The following TEAD1 variants were observed in gnomAD, a reference collection of about 807,000 sequenced individuals.
The protein encoded by TEAD1 is transcriptional enhancer factor TEF-1.
TEAD1 carries 9 observed loss-of-function variants against 54.9 expected under a neutral mutation model. That is an observed-to-expected ratio of 0.16 (90% CI 0.10 to 0.29). The LOEUF is 0.29. Ranked by LOEUF, TEAD1 falls within the 10% of genes least tolerant of loss-of-function variation. TEAD1 has a pLI of 1.00. For synonymous variants in TEAD1, 200 were observed against 187.8 expected (o/e 1.07, Z -0.53); for missense variants, 387 against 535.9 (o/e 0.72, Z 2.74).
chr11:12,768,555 G>T (rs1277382625), intron 3 of TEAD1, among the ~76,000 whole-genome samples: 1 of 152,224 alleles, frequency 6.6e-6, no homozygotes, highest in African/African-American at 2.4e-5. Flanking sequence ...CTTGCACATG[G>T]CCAATATAAA....
At chr11:12,741,995 G>A (rs1021006056) in intron 2 of TEAD1, among the ~76,000 whole-genome samples, 17 of 152,190 alleles carry the variant, frequency 1.1e-4, no homozygotes, top group Non-Finnish European at 2.4e-4. Context: ...TGTCCCACAA[G>A]CACCTGATAC....
intron 9 of TEAD1, among the ~76,000 whole-genome samples, chr11:12,889,980 C>A (rs193247644): frequency 7.9e-5 from 12 of 152,130 alleles, no homozygotes; most frequent in African/African-American, 2.7e-4. Context: ...CCTCGGCCTC[C>A]CAAAGTGCTG....
At chr11:12,725,452 G>A (rs1944292776) in intron 2 of TEAD1, among the ~76,000 whole-genome samples, 1 of 152,166 alleles carries the variant, frequency 6.6e-6, no homozygotes, top group Admixed American at 6.5e-5. Flanking sequence ...GTATTTCAAA[G>A]TAACTAAAAG....
intron 2 of TEAD1, among the ~76,000 whole-genome samples, chr11:12,723,174 A>C (rs1444337130): frequency 6.6e-6 from 1 of 152,234 alleles, no homozygotes. Flanking sequence ...TGCCACCAGC[A>C]GTGCGTGAAG....
chr11:12,917,590 G>A lies in TEAD1; in HGVS notation c.874-7322G>A, dbSNP rs180981791. Among the ~76,000 whole-genome samples the A allele has an allele frequency of 2.6e-3, 389 of 152,304 alleles. 1 individual carries two copies. The highest frequency in any genetic ancestry group is 4.3e-3 in the Non-Finnish European group (293 of 68,026). On this transcript the variant is annotated intron_variant, in intron 10 of 12. Coordinates refer to ENST00000527636, the MANE Select transcript of TEAD1 (RefSeq NM_021961.6). ...CCAGGCTGGTCTCAAACTCCTGGGC[G>A]TAAGTGGCCAGCGTGCCTGGCCCAG... is the stretch of plus-strand genomic sequence containing the variant.
At chr11:12,881,745 A>G in intron 7 of TEAD1, 151 bp from the exon 8 acceptor site, 1 of 764,416 alleles carries the variant, frequency 1.3e-6, no homozygotes, top group Non-Finnish European at 2.3e-6. Flanking sequence ...AGTTTATGGA[A>G]CAACTGCCTC....
intron 9 of TEAD1, among the ~76,000 whole-genome samples, chr11:12,901,694 C>T (rs79723996): frequency 0.015 from 2,318 of 152,130 alleles, 76 homozygotes; most frequent in African/African-American, 0.053. Context: ...TTAATGTGTC[C>T]GCAAAAAAGC....
chr11:12,731,131 A>G (rs1356546912), intron 2 of TEAD1, among the ~76,000 whole-genome samples: 1 of 152,196 alleles, frequency 6.6e-6, no homozygotes, highest in Non-Finnish European at 1.5e-5. Context: ...GTCTCTTAGA[A>G]TCTTTATCCA....
At position 12,679,937 on chromosome 11, in the gene TEAD1, G is replaced by C. The variant is rs1440050864; in HGVS notation, c.-55+4376G>C. Among the ~76,000 whole-genome samples, 3 of 152,278 alleles carry C rather than the reference G, an allele frequency of 2.0e-5. No homozygotes were observed. The East Asian group carries it at 5.8e-4, about 29-fold the overall frequency. Reference sequence around the variant, plus strand: ...GTATCCAAGCATTTTTGTATAACCTGATGCTACACACTGCTGAGTTCTCTT... The same window carrying C: ...GTATCCAAGCATTTTTGTATAACCTCATGCTACACACTGCTGAGTTCTCTT... On this transcript the variant is annotated intron_variant, in intron 2 of 12. Transcript: ENST00000527636.
intron 2 of TEAD1, among the ~76,000 whole-genome samples, chr11:12,680,821 C>G (rs1286681239): frequency 6.6e-6 from 1 of 152,234 alleles, no homozygotes; most frequent in Non-Finnish European, 1.5e-5. Flanking sequence ...ATGGTGCTTT[C>G]TGGGTAGGCG....
chr11:12,795,102 C>T (rs754366987), intron 3 of TEAD1, among the ~76,000 whole-genome samples: 1 of 152,152 alleles, frequency 6.6e-6, no homozygotes, highest in Non-Finnish European at 1.5e-5. Context: ...GAGGGGTTGG[C>T]AGGGCCATGT....
At chr11:12,825,890 G>T (rs941732845) in intron 3 of TEAD1, among the ~76,000 whole-genome samples, 3 of 152,180 alleles carry the variant, frequency 2.0e-5, no homozygotes, top group African/African-American at 7.2e-5. Context: ...TTTCTCTACA[G>T]AGGTACCAAA....
At chr11:12,828,469 C>T (rs531375037) in intron 3 of TEAD1, 3 of 152,206 alleles carry the variant, frequency 2.0e-5, no homozygotes, top group South Asian at 2.1e-4. Flanking sequence ...GAGGGCGACC[C>T]GGGCAGACCT....
At chr11:12,839,732 G>T (rs1330799099) in intron 3 of TEAD1, among the ~76,000 whole-genome samples, 4 of 152,150 alleles carry the variant, frequency 2.6e-5, no homozygotes, top group Non-Finnish European at 5.9e-5. Flanking sequence ...TAATGGAAGG[G>T]TTTGTTTCAG....
At chr11:12,780,017 T>C (rs1945510982) in intron 3 of TEAD1, among the ~76,000 whole-genome samples, 1 of 152,210 alleles carries the variant, frequency 6.6e-6, no homozygotes, top group African/African-American at 2.4e-5. Flanking sequence ...CAAGGATGTC[T>C]GCTTTTACTC....
intron 3 of TEAD1, among the ~76,000 whole-genome samples, chr11:12,780,784 T>C (rs1395093590): frequency 6.6e-6 from 1 of 152,224 alleles, no homozygotes; most frequent in East Asian, 1.9e-4. Context: ...TACCTACAAA[T>C]TGATCTACAG....
At chr11:12,687,014 T>C (rs1234761812) in intron 2 of TEAD1, among the ~76,000 whole-genome samples, 1 of 152,176 alleles carries the variant, frequency 6.6e-6, no homozygotes. Flanking sequence ...GGAGAAGGCA[T>C]TTGAGGGTCC....
At chr11:12,897,780 AG>A (rs1948341931) in intron 9 of TEAD1, among the ~76,000 whole-genome samples, 1 of 152,242 alleles carries the variant, frequency 6.6e-6, no homozygotes, top group South Asian at 2.1e-4. Flanking sequence ...ACTTCATAGA[AG>A]TTTTAAAACG....
chr11:12,922,774 C>G (rs1305246981), intron 10 of TEAD1: 6 of 151,800 alleles, frequency 4.0e-5, no homozygotes, highest in Non-Finnish European at 8.8e-5. Flanking sequence ...ACTAGAAATA[C>G]AGAAATTAGT....
Sources: gnomAD v4.1 joint callset for allele counts (sites outside exome capture counted in the v4.1 genomes callset) on GRCh38, gnomAD v4.1.1 for gene constraint, MANE v1.5 for transcripts, NCBI Gene and HGNC (gene_info 2026-07-23, HGNC 2026-07-21) for gene names.